The following EMB variants were observed in gnomAD, a reference collection of about 807,000 sequenced individuals.
EMB encodes the protein embigin homolog.
In EMB, 31 loss-of-function variants were observed where a neutral mutation model predicts 41.4. The ratio of observed to expected loss-of-function variants is 0.75; its 90% confidence interval spans 0.56 to 1.01. The LOEUF (loss-of-function observed/expected upper bound fraction) is 1.01, where lower values mean the gene tolerates loss of function less well. Ranked by LOEUF, EMB falls within the 50% of genes least tolerant of loss-of-function variation. The pLI, the probability that EMB is intolerant of heterozygous loss-of-function variation, is 0.00. For synonymous variants in EMB, 137 were observed against 140.4 expected (o/e 0.98, Z 0.17); for missense variants, 379 against 388.3 (o/e 0.98, Z 0.20).
chr5:50,405,906 T>G lies in EMB; in HGVS notation c.473-54A>C, dbSNP rs374945540. 31 of 1,500,232 alleles carry G rather than the reference T, an allele frequency of 2.1e-5. No individual in the cohort carries two copies. In the African/African-American group the frequency reaches 3.6e-4, roughly 17 times the overall value. The allele number at this position is 1,500,232 out of a possible 1,614,324, so 92.9% of individuals were successfully genotyped here. ...ACTGAAAGAGTTTAGGTAAAGGAAA[T>G]GTATTAAATGTGCAAATATTGTCTC... On this transcript the variant is annotated intron_variant, in intron 4 of 8. Transcript: ENST00000303221.
chr5:50,406,387 A>T (rs1202727403), intron 4 of EMB, among the ~76,000 whole-genome samples: 5 of 151,840 alleles, frequency 3.3e-5, no homozygotes, highest in Admixed American at 3.3e-4. Flanking sequence ...AATAAGATTT[A>T]AAAATTCTTT....
chr5:50,407,010 C>T (rs1472061675), intron 4 of EMB, among the ~76,000 whole-genome samples: 1 of 151,920 alleles, frequency 6.6e-6, no homozygotes, highest in Non-Finnish European at 1.5e-5. Context: ...AGGGCAATGA[C>T]CTCAACAGCC....
At chr5:50,430,627 G>A (rs76385467) in intron 1 of EMB, among the ~76,000 whole-genome samples, 5,024 of 151,996 alleles carry the variant, frequency 0.033, 145 homozygotes, top group Non-Finnish European at 0.053. Flanking sequence ...TTAAAATTTC[G>A]AGCAGCACCC....
intron 4 of EMB, among the ~76,000 whole-genome samples, chr5:50,408,812 T>C (rs913634289): frequency 2.6e-5 from 4 of 152,058 alleles, no homozygotes; most frequent in African/African-American, 4.8e-5. Flanking sequence ...TAAATAACTA[T>C]AATATCCATA....
intron 8 of EMB, 138 bp downstream of exon 8, chr5:50,399,721 T>C (rs1189920331): frequency 1.5e-6 from 1 of 675,272 alleles, no homozygotes; most frequent in East Asian, 2.8e-5. Context: ...TCCCCTATAA[T>C]AGTGTTAACA....
At chr5:50,434,857 G>A (rs1307359549) in intron 1 of EMB, among the ~76,000 whole-genome samples, 1 of 152,180 alleles carries the variant, frequency 6.6e-6, no homozygotes, top group Non-Finnish European at 1.5e-5. Flanking sequence ...TTAGCAAAGT[G>A]TTGTGAGGTT....
chr5:50,437,719 T>C (rs1181262904), intron 1 of EMB, among the ~76,000 whole-genome samples: 4 of 152,126 alleles, frequency 2.6e-5, no homozygotes, highest in Middle Eastern at 3.4e-3. Context: ...TTCAAAAATA[T>C]TTATTACTAG....
At position 50,438,472 on chromosome 5, in the gene EMB, C is replaced by A. The variant is rs555655061; in HGVS notation, c.112+2568G>T. 7.0e-4 allele frequency among the ~76,000 whole-genome samples: 106 copies of A among 152,212 alleles called. 2 individuals are homozygous for A. Among genetic ancestry groups the A allele is most frequent in the Non-Finnish European group, 3.8e-4 (26 of 68,012 alleles). On this transcript the variant is annotated intron_variant, in intron 1 of 8. Transcript: ENST00000303221. Reference sequence around the variant, plus strand: ...AAGGAGAAAAATGTTCTAGACAATTCTTTTTTCTTTTTTCAGCTGGAACTA... The same window carrying A: ...AAGGAGAAAAATGTTCTAGACAATTATTTTTTCTTTTTTCAGCTGGAACTA...
intron 5 of EMB, among the ~76,000 whole-genome samples, chr5:50,404,138 T>C (rs1272382395): frequency 6.6e-6 from 1 of 152,000 alleles, no homozygotes; most frequent in African/African-American, 2.4e-5. Flanking sequence ...TTTTATTTAA[T>C]CTATTTAAAT....
Position 50,402,409 on chromosome 5 carries a change from T to C in EMB, c.878-90A>G, listed in dbSNP as rs1249037761. On this transcript the variant is annotated intron_variant, in intron 6 of 8. Coordinates refer to ENST00000303221, the MANE Select transcript of EMB (RefSeq NM_198449.3). ...CAATTAAACCTCCTTCCTAAGTAAG[T>C]AAGTACTATGCTGTTTCTCCTGTTT... 4.2e-6 allele frequency: 5 copies of C among 1,182,224 alleles called. No homozygotes were observed. In the African/African-American group the frequency reaches 4.6e-5, roughly 11 times the overall value. 73.2% of individuals were successfully genotyped at this position (1,182,224 alleles called of 1,614,324 possible). A position where few individuals can be genotyped will look rare whatever the true frequency, so the allele number is the denominator to read the frequency against.
intron 2 of EMB, among the ~76,000 whole-genome samples, chr5:50,419,429 C>A (rs1745479712): frequency 6.6e-6 from 1 of 151,990 alleles, no homozygotes; most frequent in Non-Finnish European, 1.5e-5. Flanking sequence ...GTACAAGAAC[C>A]ATTTAAATTT....
At chr5:50,416,230 CT>C (rs1435158190) in intron 2 of EMB, among the ~76,000 whole-genome samples, 109 of 152,316 alleles carry the variant, frequency 7.2e-4, no homozygotes, top group African/African-American at 2.4e-3. Context: ...TGCATTTTTG[CT>C]GCTTTAGAGT....
chr5:50,413,064 G>A (rs1399784202), intron 2 of EMB, among the ~76,000 whole-genome samples: 2 of 151,452 alleles, frequency 1.3e-5, no homozygotes, highest in South Asian at 2.1e-4. Flanking sequence ...ATACACACGC[G>A]CCCACGCGCA....
At chr5:50,430,846 A>G (rs1480141733) in intron 1 of EMB, among the ~76,000 whole-genome samples, 3 of 152,154 alleles carry the variant, frequency 2.0e-5, no homozygotes, top group Non-Finnish European at 4.4e-5. Context: ...CTTACTGATC[A>G]CTAGGACTTG....
chr5:50,413,655 A>G (rs907621644), intron 2 of EMB, among the ~76,000 whole-genome samples: 2 of 150,288 alleles, frequency 1.3e-5, no homozygotes, highest in African/African-American at 2.5e-5. Context: ...AGCTCACTGC[A>G]ACCTCCGCCT....
chr5:50,410,352 G>T (rs1745314017), intron 4 of EMB, among the ~76,000 whole-genome samples: 1 of 152,052 alleles, frequency 6.6e-6, no homozygotes, highest in Non-Finnish European at 1.5e-5. Flanking sequence ...TTGTTTCCAA[G>T]CAAAAGAAAT....
chr5:50,403,447 A>G lies in EMB; in HGVS notation c.608T>C (p.Val203Ala), dbSNP rs769210568. 2 of 1,611,934 alleles carry G rather than the reference A, an allele frequency of 1.2e-6. No homozygotes were observed. The highest frequency in any genetic ancestry group is 3.3e-5 in the Admixed American group (2 of 59,794). ...CACATATTTATTCATTTGAACACCA[A>G]CAGGAACCTAATATGAGGAGACATT... ...YSSNGSVKVP[V>A]GVQMNKYVIN... Residue 203 changes from valine (V) to alanine (A), a missense_variant, in exon 6 of 9, where the codon GTT (valine) becomes GCT (alanine). Coordinates refer to ENST00000303221, the MANE Select transcript of EMB (RefSeq NM_198449.3).
chr5:50,417,510 G>T (rs1464870021), intron 2 of EMB, among the ~76,000 whole-genome samples: 3 of 152,072 alleles, frequency 2.0e-5, no homozygotes, highest in African/African-American at 7.2e-5. Flanking sequence ...TCTGATTAGT[G>T]CCACACCAAT....
At chr5:50,439,900 C>T (rs1047055395) in intron 1 of EMB, among the ~76,000 whole-genome samples, 1 of 152,084 alleles carries the variant, frequency 6.6e-6, no homozygotes, top group African/African-American at 2.4e-5. Flanking sequence ...GAGAGGTGGT[C>T]TTTTATTACC....
Sources: gnomAD v4.1 joint callset for allele counts (sites outside exome capture counted in the v4.1 genomes callset) on GRCh38, gnomAD v4.1.1 for gene constraint, MANE v1.5 for transcripts, NCBI Gene and HGNC (gene_info 2026-07-23, HGNC 2026-07-21) for gene names.